Variants in RYR2 observed in about 807,000 individuals in gnomAD.
The protein encoded by RYR2 is cardiac muscle ryanodine receptor-calcium release channel.
A neutral mutation model predicts 601.1 loss-of-function variants in RYR2; 227 were observed. The observed-to-expected ratio is 0.38, with a 90% CI of 0.34 to 0.42. The LOEUF is 0.42. Ranked by LOEUF, RYR2 falls within the 10% of genes least tolerant of loss-of-function variation. The pLI, the probability that RYR2 is intolerant of heterozygous loss-of-function variation, is 1.00. For missense variants in RYR2, 4,646 were observed against 6,156.5 expected (o/e 0.75, Z 8.21); for synonymous variants, 2,223 against 2,175.1 (o/e 1.02, Z -0.61).
At chr1:237,698,332 ATTACTTTCAAGAGGAG>A (rs1250888148) in intron 63 of RYR2, among the ~76,000 whole-genome samples, 1 of 152,196 alleles carries the variant, frequency 6.6e-6, no homozygotes, top group East Asian at 1.9e-4. Flanking sequence ...TGAATTTTAT[ATTACTTTCAAGAGGAG>A]TTACTACCAT....
intron 100 of RYR2, among the ~76,000 whole-genome samples, chr1:237,815,406 A>T (rs1456277830): frequency 6.6e-6 from 1 of 152,226 alleles, no homozygotes; most frequent in East Asian, 1.9e-4. Context: ...AACTACATAC[A>T]GTTGTCTAAG....
At chr1:237,504,631 G>T (rs1413759702) in intron 22 of RYR2, among the ~76,000 whole-genome samples, 1 of 152,170 alleles carries the variant, frequency 6.6e-6, no homozygotes, top group African/African-American at 2.4e-5. Flanking sequence ...GCAACAGGTG[G>T]AACTTAGTGA....
chr1:237,125,098 A>G (rs1671261914), intron 1 of RYR2, among the ~76,000 whole-genome samples: 1 of 152,218 alleles, frequency 6.6e-6, no homozygotes, highest in African/African-American at 2.4e-5. Flanking sequence ...TTTTGCAGAT[A>G]GAAATGCTTG....
chr1:237,377,224 C>T, intron 7 of RYR2, 99 bp from the exon 8 acceptor site: 1 of 758,058 alleles, frequency 1.3e-6, no homozygotes, highest in Non-Finnish European at 2.1e-6. Flanking sequence ...TGCATTAATT[C>T]CGGATTTCTG....
chr1:237,081,731 A>G (rs955724338), intron 1 of RYR2, among the ~76,000 whole-genome samples: 2 of 152,170 alleles, frequency 1.3e-5, no homozygotes, highest in African/African-American at 2.4e-5. Flanking sequence ...CGCCCTTCCC[A>G]GGAGACTTAC....
intron 17 of RYR2, among the ~76,000 whole-genome samples, chr1:237,487,508 G>C (rs1433658723): frequency 6.9e-6 from 1 of 144,190 alleles, no homozygotes; most frequent in Non-Finnish European, 1.5e-5. Flanking sequence ...TTGAGCCCAG[G>C]AGTTCAAGAC....
rs1402571360 is a variant in RYR2 at position 237,819,084 on chromosome 1, G to A, written c.14482G>A (p.Gly4828Arg). ...YVGVRAGGGIGDEIEDPAGDE... is the reference protein window; with the variant it reads ...YVGVRAGGGIRDEIEDPAGDE... ...TGGAGTTCGTGCTGGAGGAGGGATC[G>A]GGGATGAAATCGAAGACCCAGCAGG... The change falls in exon 101 of 105, where the codon GGG becomes AGG. Residue 4828 changes from glycine to arginine, a missense_variant. By Grantham distance (125) the Gly-to-Arg change is moderately radical. This residue lies in a region of RYR2 where 55 missense variants were observed against 204.7 expected (regional missense o/e 0.27). Coordinates refer to ENST00000366574, the MANE Select transcript of RYR2 (RefSeq NM_001035.3). This position sits in a 1 kb window ranked among gnomAD's most constrained non-coding sequence, Gnocchi z 4.0. 3.1e-6 allele frequency: 5 copies of A among 1,613,848 alleles called. No homozygotes were observed. Among genetic ancestry groups the A allele is most frequent in the Non-Finnish European group, 4.2e-6 (5 of 1,179,798 alleles).
At chr1:237,623,945 T>A (rs1214818267) in intron 39 of RYR2, 75 bp downstream of exon 39, 8 of 911,636 alleles carry the variant, frequency 8.8e-6, no homozygotes, top group Non-Finnish European at 1.2e-5. Context: ...AAATTAAGTG[T>A]ATATGCGAAT....
At chr1:237,579,248 CTTTTTTTTTTTTTT>C (rs546960253) in intron 29 of RYR2, among the ~76,000 whole-genome samples, 2 of 68,094 alleles carry the variant, frequency 2.9e-5, no homozygotes, top group Non-Finnish European at 5.9e-5. Flanking sequence ...TCTTCTTCTT[CTTTTTTTTTTTTTT>C]TTTTTTTTTT....
chr1:237,137,097 G>C lies in RYR2; in HGVS notation c.48+94528G>C, dbSNP rs577131955. 9.5e-4 allele frequency among the ~76,000 whole-genome samples: 144 copies of C among 151,690 alleles called. 1 individual carries two copies. Among genetic ancestry groups the C allele is most frequent in the African/African-American group, 3.5e-3 (143 of 41,344 alleles). The stretch of plus-strand genomic sequence containing the variant: ...CCAGTGGCTCTACCATACTGTTCAT[G>C]GGCTATACTATGGACTTTGCAAAAG... On this transcript the variant is annotated intron_variant, in intron 1 of 104. Coordinates refer to ENST00000366574, the MANE Select transcript of RYR2 (RefSeq NM_001035.3).
chr1:237,370,903 G>A (rs1216086217), intron 6 of RYR2, among the ~76,000 whole-genome samples: 3 of 152,098 alleles, frequency 2.0e-5, no homozygotes, highest in East Asian at 1.9e-4. Context: ...CTGGTGATCC[G>A]CCTGCCTCGG....
At chr1:237,255,607 A>G (rs1274248470) in intron 1 of RYR2, among the ~76,000 whole-genome samples, 1 of 152,154 alleles carries the variant, frequency 6.6e-6, no homozygotes, top group Non-Finnish European at 1.5e-5. Flanking sequence ...TACATATTAG[A>G]TGACATTCAT....
rs541040237 is a variant in RYR2, at chr1:237,209,015, A to G, written c.49-61482A>G. ...ACTGTAATTGAACTATGATTCAGCC[A>G]TGTGAAAATTTTTTAAAAAGTTTAA... is the stretch of plus-strand genomic sequence containing the variant. On this transcript the variant is annotated intron_variant, in intron 1 of 104. Coordinates refer to ENST00000366574, the MANE Select transcript of RYR2 (RefSeq NM_001035.3). Among the ~76,000 whole-genome samples, 318 of 138,502 alleles carry G rather than the reference A, an allele frequency of 2.3e-3. 2 individuals are homozygous for G. Among genetic ancestry groups the G allele is most frequent in the Non-Finnish European group, 3.9e-3 (256 of 64,998 alleles). 90.9% of individuals were successfully genotyped at this position (138,502 alleles called of 152,430 possible). A position where few individuals can be genotyped will look rare whatever the true frequency, so the allele number is the denominator to read the frequency against.
intron 87 of RYR2, among the ~76,000 whole-genome samples, chr1:237,777,171 G>A (rs982934000): frequency 1.2e-4 from 19 of 152,196 alleles, no homozygotes; most frequent in Middle Eastern, 3.4e-3. Context: ...CTCAGCACAC[G>A]GAGAACCCCC....
chr1:237,213,482 T>C (rs1682813094), intron 1 of RYR2, among the ~76,000 whole-genome samples: 1 of 152,204 alleles, frequency 6.6e-6, no homozygotes, highest in Admixed American at 6.5e-5. Flanking sequence ...CTGGCCTTTT[T>C]TTGTTTTGTA....
At chr1:237,608,172 T>C (rs1341270624) in intron 35 of RYR2, among the ~76,000 whole-genome samples, 1 of 152,198 alleles carries the variant, frequency 6.6e-6, no homozygotes, top group East Asian at 1.9e-4. Flanking sequence ...GAGAGCCTGG[T>C]TGTATCAACT....
Position 237,454,434 on chromosome 1 carries a change from G to A in RYR2, c.1336G>A (p.Asp446Asn), listed in dbSNP as rs748867973. 2.5e-6 allele frequency: 4 copies of A among 1,612,958 alleles called. No homozygotes were observed. The highest frequency in any genetic ancestry group is 2.2e-5 in the East Asian group (1 of 44,856). Residue 446 changes from aspartate to asparagine, a missense_variant, in exon 15 of 105, where the codon GAT becomes AAT. By Grantham distance (23) the Asp-to-Asn change is conservative. Around this residue, in one of 17 missense-constraint regions of RYR2, gnomAD observed 1,807 missense variants for 2,088.1 expected, o/e 0.87. Coordinates refer to ENST00000366574, the MANE Select transcript of RYR2 (RefSeq NM_001035.3). ...LSKKAKASTV[D>N]LPIESVSLSL... ...CAAGAAAGCGAAGGCTTCCACAGTC[G>A]ATTTGCCTATAGAGTCCGTAAGCCT... is the stretch of plus-strand genomic sequence containing the variant.
At chr1:237,251,215 C>T (rs535349363) in intron 1 of RYR2, among the ~76,000 whole-genome samples, 1 of 152,252 alleles carries the variant, frequency 6.6e-6, no homozygotes, top group East Asian at 1.9e-4. Context: ...ATATCGTCTT[C>T]AGCTACTATA....
intron 1 of RYR2, among the ~76,000 whole-genome samples, chr1:237,249,110 T>C (rs749218909): frequency 1.3e-5 from 2 of 152,172 alleles, no homozygotes; most frequent in African/African-American, 4.8e-5. Flanking sequence ...AGATTGAGCA[T>C]CTTTGGATAT....
Sources: allele counts gnomAD v4.1 joint callset (sites outside exome capture counted in the v4.1 genomes callset), GRCh38; gene constraint gnomAD v4.1.1; regional missense constraint gnomAD v4.1.1; non-coding constraint Gnocchi (gnomAD v3.1); transcripts MANE v1.5; gene names NCBI Gene and HGNC (gene_info 2026-07-23, HGNC 2026-07-21).